DLGAP2: variants seen among roughly 807,000 people sequenced by gnomAD.
DLGAP2 encodes the protein DLG associated protein 2.
In DLGAP2, 26 loss-of-function variants were observed where a neutral mutation model predicts 100.3. That is an observed-to-expected ratio of 0.26 (90% confidence interval 0.19 to 0.36). DLGAP2 has a LOEUF of 0.36. DLGAP2 is among the 10% of genes least tolerant of loss of function. The pLI, the probability that DLGAP2 is intolerant of heterozygous loss-of-function variation, is 1.00. For synonymous variants in DLGAP2, 886 were observed against 630.1 expected (o/e 1.41, Z -6.08); for missense variants, 1,858 against 1,453.2 (o/e 1.28, Z -4.53).
At chr8:1,562,268 G>T (rs1487275272) in intron 5 of DLGAP2, among the ~76,000 whole-genome samples, 1 of 25,418 alleles carries the variant, frequency 3.9e-5, no homozygotes, top group Non-Finnish European at 7.2e-5. Context: ...GGACTGTGTG[G>T]TGTTGGGTGT....
chr8:1,695,374 TACA>T, intron 13 of DLGAP2, among the ~76,000 whole-genome samples: 1 of 122,434 alleles, frequency 8.2e-6, no homozygotes, highest in African/African-American at 3.6e-5. Context: ...TGCCCGGCCC[TACA>T]GAAAGAGGGG....
intron 2 of DLGAP2, among the ~76,000 whole-genome samples, chr8:1,235,150 CGTGTCT>C (rs1798619961): frequency 7.5e-6 from 1 of 132,486 alleles, no homozygotes; most frequent in Non-Finnish European, 1.6e-5. Flanking sequence ...CACGTGGCGT[CGTGTCT>C]AGTTCTCTCA....
chr8:1,041,962 G>C (rs1428585584), intron 2 of DLGAP2, among the ~76,000 whole-genome samples: 1 of 152,210 alleles, frequency 6.6e-6, no homozygotes, highest in Non-Finnish European at 1.5e-5. Context: ...GGCTGTTTCA[G>C]GAGCCTGCGG....
intron 2 of DLGAP2, among the ~76,000 whole-genome samples, chr8:1,135,647 G>T (rs183704610): frequency 1.3e-5 from 2 of 151,892 alleles, no homozygotes; most frequent in Non-Finnish European, 2.9e-5. Flanking sequence ...CTGCCTTGCG[G>T]CATGTCAGAA....
At chr8:1,139,144 C>G (rs1263352874) in intron 2 of DLGAP2, among the ~76,000 whole-genome samples, 1 of 152,208 alleles carries the variant, frequency 6.6e-6, no homozygotes. Flanking sequence ...TGCGGCCTGG[C>G]TGGGGGGATG....
At chr8:1,102,835 G>A (rs1426900537) in intron 2 of DLGAP2, among the ~76,000 whole-genome samples, 1 of 152,092 alleles carries the variant, frequency 6.6e-6, no homozygotes, top group Non-Finnish European at 1.5e-5. Context: ...AATGTGCGTG[G>A]GGCCTTGTGA....
At chr8:1,228,620 A>G (rs1798471603) in intron 2 of DLGAP2, among the ~76,000 whole-genome samples, 1 of 152,250 alleles carries the variant, frequency 6.6e-6, no homozygotes, top group Admixed American at 6.5e-5. Context: ...CCAGGATTTC[A>G]AGTTTGTTTT....
intron 2 of DLGAP2, among the ~76,000 whole-genome samples, chr8:915,167 C>T (rs1798564347): frequency 6.6e-6 from 1 of 152,200 alleles, no homozygotes. Flanking sequence ...GTCTTGAAGA[C>T]GTCTTCTGCA....
chr8:900,898 G>T (rs987752345), intron 1 of DLGAP2, among the ~76,000 whole-genome samples: 2 of 152,174 alleles, frequency 1.3e-5, no homozygotes, highest in South Asian at 4.1e-4. Flanking sequence ...AATAATAGAA[G>T]TTCCAGGAGA....
chr8:1,030,387 A>T (rs1801939383), intron 2 of DLGAP2, among the ~76,000 whole-genome samples: 1 of 152,202 alleles, frequency 6.6e-6, no homozygotes, highest in Non-Finnish European at 1.5e-5. Context: ...TTCATCAAAC[A>T]TACCAAGGCT....
In DLGAP2 at chr8:1,287,282, GGTT is replaced by G. The variant is rs1276317086; in HGVS notation, c.106+28403_106+28405del. Among the ~76,000 whole-genome samples, 341 of 101,598 alleles carry G rather than the reference GGTT, an allele frequency of 3.4e-3. 5 individuals carry two copies. The highest frequency in any genetic ancestry group is 0.013 in the African/African-American group (305 of 23,882). 66.7% of individuals were successfully genotyped at this position (101,598 alleles called of 152,430 possible). A position where few individuals can be genotyped will look rare whatever the true frequency, so the allele number is the denominator to read the frequency against. Reference sequence around the variant, plus strand: ...TAGTTCAGCGTGTGTGTGTGTGTGTGGTTGTTAGGAGGGGAACTAGTTTCGGTT... The same window carrying G: ...TAGTTCAGCGTGTGTGTGTGTGTGTGGTTAGGAGGGGAACTAGTTTCGGTT... On this transcript the variant is annotated intron_variant, in intron 3 of 14. Coordinates refer to ENST00000637795, the MANE Select transcript of DLGAP2 (RefSeq NM_001346810.2).
rs919526548 is a variant in DLGAP2, at chr8:1,112,490, T to C, written c.74-146361T>C. 2.6e-5 allele frequency among the ~76,000 whole-genome samples: 4 copies of C among 152,228 alleles called. No homozygotes were observed. The South Asian group carries it at 8.3e-4, about 32-fold the overall frequency. On this transcript the variant is annotated intron_variant, in intron 2 of 14. Coordinates refer to ENST00000637795, the MANE Select transcript of DLGAP2 (RefSeq NM_001346810.2). ...CTCCTCACCTCATGATTCACCTGCC[T>C]CAGCCTTACAAAGTGCTGGGATTGC...
In DLGAP2 at chr8:1,668,660, C is replaced by T. The variant is rs994473393; in HGVS notation, c.2142C>T (p.Cys714=). 1.3e-6 allele frequency: 2 copies of T among 1,565,630 alleles called. No individual in the cohort carries two copies. Among genetic ancestry groups the T allele is most frequent in the African/African-American group, 1.4e-5 (1 of 73,748 alleles). Residue 714 remains cysteine, a synonymous_variant, in exon 9 of 15, where the codon TGC becomes TGT. Transcript: ENST00000637795. ...CGGAGGAGCTCCTCAAGAGCCGCTG[C>T]TCCTCCATCGGGATTCAGGTAGCTG... is the stretch of plus-strand genomic sequence containing the variant. ...SKAEELLKSR[C]SSIGIQDSEF...
At chr8:1,699,161 T>G (rs554632591) in intron 14 of DLGAP2, among the ~76,000 whole-genome samples, 7 of 152,346 alleles carry the variant, frequency 4.6e-5, no homozygotes, top group African/African-American at 1.7e-4. Flanking sequence ...CTTTGGTCAT[T>G]GAGAGCAAAC....
intron 1 of DLGAP2, among the ~76,000 whole-genome samples, chr8:834,698 T>G (rs1796840615): frequency 6.6e-6 from 1 of 152,054 alleles, no homozygotes; most frequent in African/African-American, 2.4e-5. Context: ...GTCAAGTGGG[T>G]GCTATGCCCT....
intron 2 of DLGAP2, among the ~76,000 whole-genome samples, chr8:909,762 G>C (rs1798448391): frequency 6.6e-6 from 1 of 152,190 alleles, no homozygotes; most frequent in Non-Finnish European, 1.5e-5. Context: ...TGTTGGTTGA[G>C]ATTATAACTC....
chr8:891,942 A>G (rs905405188), intron 1 of DLGAP2, among the ~76,000 whole-genome samples: 19 of 152,210 alleles, frequency 1.2e-4, no homozygotes, highest in African/African-American at 4.6e-4. Context: ...TGCGCCACAC[A>G]GAGCATGGAG....
chr8:1,248,861 A>G (rs1287407537), intron 2 of DLGAP2: 1 of 152,302 alleles, frequency 6.6e-6, no homozygotes, highest in African/African-American at 2.4e-5. Context: ...CACGGTCACC[A>G]GGTATTTGGC....
intron 2 of DLGAP2, among the ~76,000 whole-genome samples, chr8:1,188,650 C>G (rs994418934): frequency 6.6e-6 from 1 of 152,078 alleles, no homozygotes; most frequent in African/African-American, 2.4e-5. Flanking sequence ...AATAGAACAG[C>G]GACTCATCCG....
Sources: allele counts gnomAD v4.1 joint callset (sites outside exome capture counted in the v4.1 genomes callset), GRCh38; gene constraint gnomAD v4.1.1; transcripts MANE v1.5; gene names NCBI Gene and HGNC (gene_info 2026-07-23, HGNC 2026-07-21).